The following C12orf56 variants were observed in gnomAD, a reference collection of about 807,000 sequenced individuals.
C12orf56 encodes chromosome 12 open reading frame 56, also known as uncharacterized protein C12orf56.
A neutral mutation model predicts 69.9 loss-of-function variants in C12orf56; 71 were observed. The ratio of observed to expected loss-of-function variants is 1.02; its 90% CI spans 0.84 to 1.24. The LOEUF (loss-of-function observed/expected upper bound fraction) is 1.24. C12orf56 is among the 50% of genes most tolerant of loss of function. The probability of loss-of-function intolerance (pLI) is 0.00; values close to 1 mark genes in which losing one functional copy is unlikely to be tolerated. For synonymous variants in C12orf56, 276 were observed against 274.1 expected (o/e 1.01, Z -0.07); for missense variants, 732 against 738.5 (o/e 0.99, Z 0.10).
chr12:64,377,656 T>G (rs2039659657), intron 1 of C12orf56, among the ~76,000 whole-genome samples: 1 of 152,232 alleles, frequency 6.6e-6, no homozygotes, highest in African/African-American at 2.4e-5. Context: ...CATATTTCTT[T>G]TATCAGCTTT....
chr12:64,275,129 C>A, intron 10 of C12orf56, 154 bp from the exon 11 acceptor site: 1 of 789,724 alleles, frequency 1.3e-6, no homozygotes, highest in Non-Finnish European at 1.9e-6. Context: ...GAGCAAAGTT[C>A]ATATCATTGA....
intron 1 of C12orf56, among the ~76,000 whole-genome samples, chr12:64,375,940 C>T (rs1306424337): frequency 6.6e-6 from 1 of 152,072 alleles, no homozygotes; most frequent in Non-Finnish European, 1.5e-5. Flanking sequence ...CAAAGCCAAC[C>T]TGCACTGAAA....
rs1592425766 is a variant in C12orf56 at position 64,292,982 on chromosome 12, T to C, written c.1114-6922A>G. On this transcript the variant is annotated intron_variant, in intron 6 of 12. Transcript: ENST00000543942. ...GCCGCCTTGCAGTTTGATCTCAGAC[T>C]GCTGTGCTAGCAATCAGCGAGACTC... Among the ~76,000 whole-genome samples, 4 of 150,540 alleles carry C rather than the reference T, an allele frequency of 2.7e-5. No homozygotes were observed. In the East Asian group the frequency reaches 8.0e-4, roughly 30 times the overall value.
At chr12:64,330,841 A>T in intron 3 of C12orf56, 119 bp downstream of exon 3, 1 of 737,460 alleles carries the variant, frequency 1.4e-6, no homozygotes, top group African/African-American at 1.8e-5. Context: ...TTGCATATGT[A>T]AGATTAATAG....
At chr12:64,343,630 G>T (rs1240715674) in intron 2 of C12orf56, among the ~76,000 whole-genome samples, 1 of 152,206 alleles carries the variant, frequency 6.6e-6, no homozygotes, top group Non-Finnish European at 1.5e-5. Flanking sequence ...GTCACCACTT[G>T]GTTAAGCTTA....
intron 6 of C12orf56, among the ~76,000 whole-genome samples, chr12:64,297,055 C>T (rs1366642388): frequency 6.6e-6 from 1 of 152,094 alleles, no homozygotes; most frequent in East Asian, 1.9e-4. Flanking sequence ...ACAAAACAGA[C>T]TAAGACAATG....
At chr12:64,334,540 A>G (rs1046725230) in intron 2 of C12orf56, among the ~76,000 whole-genome samples, 1 of 152,198 alleles carries the variant, frequency 6.6e-6, no homozygotes, top group African/African-American at 2.4e-5. Flanking sequence ...ACAACAAAAA[A>G]TGTCATGTAA....
Position 64,318,914 on chromosome 12 carries a change from C to A in C12orf56, c.555G>T (p.Lys185Asn), listed in dbSNP as rs1164908662. 2.0e-6 allele frequency: 3 copies of A among 1,536,750 alleles called. No individual in the cohort carries two copies. The highest frequency in any genetic ancestry group is 2.6e-6 in the Non-Finnish European group (3 of 1,146,754). Residue 185 changes from lysine (K) to asparagine (N), a missense_variant, in exon 4 of 13, where the codon AAG becomes AAT. Physicochemically the swap from Lys to Asn is moderately conservative, Grantham distance 94. Coordinates refer to ENST00000543942, the MANE Select transcript of C12orf56 (RefSeq NM_001170633.2). ...STLCPRPGLK[K>N]LSLHGQGAFR... ...AGGCACCTTGGCCATGAAGGGACAG[C>A]TTTTTGAGGCCTGGACGAGGACAGA... is the stretch of plus-strand genomic sequence containing the variant.
chr12:64,299,852 A>C (rs958366889), intron 6 of C12orf56, among the ~76,000 whole-genome samples: 1 of 152,200 alleles, frequency 6.6e-6, no homozygotes, highest in African/African-American at 2.4e-5. Flanking sequence ...GATGTCATAG[A>C]ACTACATTGT....
chr12:64,304,915 A>G (rs944843346), intron 5 of C12orf56, among the ~76,000 whole-genome samples: 2 of 152,176 alleles, frequency 1.3e-5, no homozygotes, highest in African/African-American at 4.8e-5. Context: ...TTCATGTTCT[A>G]TGTAGATTGA....
intron 1 of C12orf56, among the ~76,000 whole-genome samples, chr12:64,356,417 G>A (rs2039319047): frequency 6.6e-6 from 1 of 152,160 alleles, no homozygotes; most frequent in Non-Finnish European, 1.5e-5. Context: ...CGTGGATGGA[G>A]CAATGGCAAG....
At chr12:64,382,460 G>A (rs2039732393) in intron 1 of C12orf56, among the ~76,000 whole-genome samples, 3 of 151,944 alleles carry the variant, frequency 2.0e-5, no homozygotes, top group African/African-American at 7.3e-5. Context: ...TGTGAATAAA[G>A]GTTATTAATA....
intron 3 of C12orf56, among the ~76,000 whole-genome samples, chr12:64,329,895 A>G (rs2038907436): frequency 6.6e-6 from 1 of 151,576 alleles, no homozygotes; most frequent in Admixed American, 6.6e-5. Flanking sequence ...CATGGTGTAT[A>G]TGTGCCACAT....
chr12:64,339,731 T>G (rs1475984716), intron 2 of C12orf56, among the ~76,000 whole-genome samples: 1 of 151,422 alleles, frequency 6.6e-6, no homozygotes, highest in East Asian at 2.0e-4. Context: ...CCCAGCTACT[T>G]TTTGTATTTT....
intron 1 of C12orf56, among the ~76,000 whole-genome samples, chr12:64,386,106 GC>G (rs1403686382): frequency 6.6e-6 from 1 of 152,128 alleles, no homozygotes; most frequent in Non-Finnish European, 1.5e-5. Flanking sequence ...CTTGGCTAAG[GC>G]CTTCTTCCAC....
At chr12:64,294,706 T>C (rs2038341593) in intron 6 of C12orf56, among the ~76,000 whole-genome samples, 1 of 151,948 alleles carries the variant, frequency 6.6e-6, no homozygotes, top group Non-Finnish European at 1.5e-5. Context: ...AAATGGAAAG[T>C]TGTTGCTTAA....
intron 6 of C12orf56, among the ~76,000 whole-genome samples, chr12:64,297,046 C>T (rs2038376142): frequency 6.6e-6 from 1 of 152,094 alleles, no homozygotes; most frequent in Non-Finnish European, 1.5e-5. Context: ...TATAGCAACA[C>T]AAAACAGACT....
intron 2 of C12orf56, among the ~76,000 whole-genome samples, chr12:64,343,603 C>T (rs2039102709): frequency 6.6e-6 from 1 of 152,250 alleles, no homozygotes; most frequent in Non-Finnish European, 1.5e-5. Context: ...ACATCTGGTA[C>T]AGCAGCTGCA....
At position 64,303,675 on chromosome 12, in the gene C12orf56, G is replaced by A; in HGVS notation, c.1073C>T (p.Ala358Val). 1 of 1,571,214 alleles carries A rather than the reference G, an allele frequency of 6.4e-7. No individual in the cohort carries two copies. The highest frequency in any genetic ancestry group is 8.6e-7 in the Non-Finnish European group (1 of 1,159,120). Residue 358 changes from alanine to valine, a missense_variant, in exon 6 of 13, where the codon GCA becomes GTA. Coordinates refer to ENST00000543942, the MANE Select transcript of C12orf56 (RefSeq NM_001170633.2). ...ILSLLMELKV[A>V]AQKNFILKRL... ...TTTCAGAATGAAGTTTTTCTGGGCT[G>A]CTACTTTAAGTTCCATAAGTAAAGA...
Sources: allele counts gnomAD v4.1 joint callset (sites outside exome capture counted in the v4.1 genomes callset), GRCh38; gene constraint gnomAD v4.1.1; transcripts MANE v1.5; gene names NCBI Gene and HGNC (gene_info 2026-07-23, HGNC 2026-07-21).